ZMYM4: variants seen among roughly 807,000 people sequenced by gnomAD.
ZMYM4 encodes the protein zinc finger MYM-type containing 4.
In ZMYM4, 31 loss-of-function variants were observed where a neutral mutation model predicts 183.2. The observed-to-expected ratio is 0.17, with a 90% CI of 0.13 to 0.23. The LOEUF (loss-of-function observed/expected upper bound fraction) is 0.23. Ranked by LOEUF, ZMYM4 falls within the 10% of genes least tolerant of loss-of-function variation. ZMYM4 has a pLI of 1.00. For synonymous variants in ZMYM4, 592 were observed against 631.2 expected (o/e 0.94, Z 0.93); for missense variants, 1,273 against 1,840.3 (o/e 0.69, Z 5.64).
At chr1:35,320,682 C>G (rs7418298) in intron 1 of ZMYM4, among the ~76,000 whole-genome samples, 1 of 152,130 alleles carries the variant, frequency 6.6e-6, no homozygotes, top group Non-Finnish European at 1.5e-5. Context: ...GGATCTTACT[C>G]TTAATTCTAG....
At chr1:35,410,637 T>C (rs1028846440) in intron 26 of ZMYM4, among the ~76,000 whole-genome samples, 2 of 150,166 alleles carry the variant, frequency 1.3e-5, no homozygotes, top group Non-Finnish European at 3.0e-5. Context: ...TACAGGCGCC[T>C]GCCACCACAC....
At chr1:35,280,189 C>CTTT (rs569310923) in intron 1 of ZMYM4, among the ~76,000 whole-genome samples, 1 of 148,290 alleles carries the variant, frequency 6.7e-6, no homozygotes, top group African/African-American at 2.5e-5. Context: ...CCTTCCCTTC[C>CTTT]CTTCCCTTCC....
intron 1 of ZMYM4, among the ~76,000 whole-genome samples, chr1:35,296,532 T>G (rs527882887): frequency 1.7e-4 from 26 of 152,326 alleles, no homozygotes; most frequent in African/African-American, 5.1e-4. Context: ...CCTGTAAAAC[T>G]GTTTCCATTG....
chr1:35,311,057 A>C (rs898792893), intron 1 of ZMYM4, among the ~76,000 whole-genome samples: 4 of 152,206 alleles, frequency 2.6e-5, no homozygotes, highest in African/African-American at 9.6e-5. Flanking sequence ...CATAGCCTCT[A>C]TTCACCTTTA....
At chr1:35,383,695 A>T (rs1471983075) in intron 9 of ZMYM4, among the ~76,000 whole-genome samples, 2 of 152,314 alleles carry the variant, frequency 1.3e-5, no homozygotes, top group East Asian at 3.9e-4. Flanking sequence ...AGGGAGAAAT[A>T]GGATGAAACA....
At chr1:35,315,569 T>G (rs1642007395) in intron 1 of ZMYM4, among the ~76,000 whole-genome samples, 2 of 152,230 alleles carry the variant, frequency 1.3e-5, no homozygotes, top group South Asian at 4.1e-4. Flanking sequence ...TTTGTTTAAG[T>G]AACTTTACAT....
chr1:35,343,390 C>A (rs935410138), intron 2 of ZMYM4, among the ~76,000 whole-genome samples: 35 of 151,888 alleles, frequency 2.3e-4, no homozygotes, highest in African/African-American at 8.5e-4. Context: ...ATATGGATGT[C>A]CAGTTGTATC....
At chr1:35,293,876 G>A (rs1284074844) in intron 1 of ZMYM4, among the ~76,000 whole-genome samples, 1 of 152,078 alleles carries the variant, frequency 6.6e-6, no homozygotes, top group Admixed American at 6.5e-5. Context: ...ATCAGGCCAG[G>A]CACGGTGGCT....
chr1:35,382,177 CACAT>C (rs1442903550), intron 9 of ZMYM4, among the ~76,000 whole-genome samples: 2 of 118,892 alleles, frequency 1.7e-5, no homozygotes, highest in Admixed American at 9.0e-5. Context: ...TATATATACA[CACAT>C]ACACACACAC....
chr1:35,398,043 G>A (rs1644840130), intron 20 of ZMYM4, among the ~76,000 whole-genome samples: 1 of 152,164 alleles, frequency 6.6e-6, no homozygotes. Context: ...TGCCTTGCCT[G>A]ATTCAATCTT....
intron 11 of ZMYM4, 98 bp downstream of exon 11, chr1:35,386,287 A>G (rs1289481817): frequency 2.5e-6 from 2 of 800,238 alleles, no homozygotes; most frequent in Non-Finnish European, 3.9e-6. Context: ...AGACTGGGTA[A>G]TTTATAAAGA....
intron 2 of ZMYM4, among the ~76,000 whole-genome samples, chr1:35,330,808 C>T (rs1642708055): frequency 6.6e-6 from 1 of 152,158 alleles, no homozygotes; most frequent in African/African-American, 2.4e-5. Flanking sequence ...TACTAAGACC[C>T]TCCTTCCAAA....
intron 1 of ZMYM4, among the ~76,000 whole-genome samples, chr1:35,312,111 G>GTGTTGTT (rs1641831453): frequency 6.6e-6 from 1 of 152,068 alleles, no homozygotes; most frequent in African/African-American, 2.4e-5. Context: ...TATAAGTAAT[G>GTGTTGTT]TGTTGTTTGT....
chr1:35,275,375 A>G (rs1263134303), intron 1 of ZMYM4, among the ~76,000 whole-genome samples: 2 of 151,752 alleles, frequency 1.3e-5, no homozygotes, highest in African/African-American at 4.8e-5. Context: ...CCGAGTAGCT[A>G]GGATTACAGG....
intron 5 of ZMYM4, among the ~76,000 whole-genome samples, chr1:35,364,958 C>T (rs1488910195): frequency 3.3e-5 from 5 of 152,134 alleles, no homozygotes; most frequent in Admixed American, 6.5e-5. Context: ...AGTCATTGTC[C>T]GTCCTCCTGC....
intron 18 of ZMYM4, 56 bp from the exon 19 acceptor site, chr1:35,396,496 A>G (rs1644811162): frequency 6.3e-7 from 1 of 1,599,502 alleles, no homozygotes; most frequent in African/African-American, 1.3e-5. Context: ...TTGAAATCTT[A>G]TGAAAGCATT....
At chr1:35,354,593 G>A (rs1643746096) in intron 2 of ZMYM4, among the ~76,000 whole-genome samples, 1 of 151,970 alleles carries the variant, frequency 6.6e-6, no homozygotes, top group Non-Finnish European at 1.5e-5. Flanking sequence ...CGGGTGTGGT[G>A]GCAGGTGCCT....
At position 35,392,793 on chromosome 1, in the gene ZMYM4, A is replaced by G. The variant is rs535624856; in HGVS notation, c.2766+109A>G. ...CCTCCTTCTTTATTATATGAAATAG[A>G]TTTCATTAGCTCATTTAATCTTTGT... is the stretch of plus-strand genomic sequence containing the variant. On this transcript the variant is annotated intron_variant, in intron 17 of 29. Transcript: ENST00000314607. 149 of 742,308 alleles carry G rather than the reference A, an allele frequency of 2.0e-4. 7 individuals carry two copies. Among genetic ancestry groups the G allele is most frequent in the South Asian group, 1.4e-3 (60 of 43,430 alleles). The allele number at this position is 742,308 out of a possible 1,614,324, so 46.0% of individuals were successfully genotyped here. A position where few individuals can be genotyped will look rare whatever the true frequency, so the allele number is the denominator to read the frequency against.
intron 7 of ZMYM4, among the ~76,000 whole-genome samples, chr1:35,376,071 A>G (rs1273297072): frequency 6.6e-6 from 1 of 151,472 alleles, no homozygotes; most frequent in African/African-American, 2.4e-5. Context: ...GCAGGACACT[A>G]TCTTTGAAAA....
Sources: allele counts gnomAD v4.1 joint callset (sites outside exome capture counted in the v4.1 genomes callset), GRCh38; gene constraint gnomAD v4.1.1; transcripts MANE v1.5; gene names NCBI Gene and HGNC (gene_info 2026-07-23, HGNC 2026-07-21).